The following KCTD8 variants were observed in gnomAD, a reference collection of about 807,000 sequenced individuals.
The protein encoded by KCTD8 is BTB/POZ domain-containing protein KCTD8.
A neutral mutation model predicts 31.5 loss-of-function variants in KCTD8; 27 were observed. The ratio of observed to expected loss-of-function variants is 0.86; its 90% CI spans 0.63 to 1.18. KCTD8 has a LOEUF of 1.18. KCTD8 is among the 50% of genes most tolerant of loss of function. The pLI, the probability that KCTD8 is intolerant of heterozygous loss-of-function variation, is 0.00. For synonymous variants in KCTD8, 290 were observed against 280.0 expected (o/e 1.04, Z -0.36); for missense variants, 658 against 647.7 (o/e 1.02, Z -0.17).
intron 1 of KCTD8, among the ~76,000 whole-genome samples, chr4:44,201,505 A>G (rs1262763052): frequency 2.0e-5 from 3 of 152,116 alleles, no homozygotes; most frequent in Non-Finnish European, 4.4e-5. Flanking sequence ...AAAGCCACAT[A>G]CTTACAATTA....
intron 1 of KCTD8, among the ~76,000 whole-genome samples, chr4:44,277,529 ATCATTCAT>A (rs142273657): frequency 1.4e-4 from 22 of 151,770 alleles, no homozygotes; most frequent in African/African-American, 4.3e-4. Context: ...CACGGAGTAA[ATCATTCAT>A]TCATTCATTC....
rs150697617 is a variant in KCTD8 at position 44,446,322 on chromosome 4, A to C, written c.961+1241T>G. ...TTACCAAAATAAATAAATTCAATTT[A>C]AGCTGGTCTATTTCCATCACAGGAT... is the stretch of plus-strand genomic sequence containing the variant. On this transcript the variant is annotated intron_variant, in intron 1 of 1. Transcript: ENST00000360029. Among the ~76,000 whole-genome samples, 9 of 152,346 alleles carry C rather than the reference A, an allele frequency of 5.9e-5. No homozygotes were observed. The Middle Eastern group carries it at 0.014, about 230-fold the overall frequency.
At chr4:44,266,559 TA>T (rs1300252419) in intron 1 of KCTD8, among the ~76,000 whole-genome samples, 2 of 151,856 alleles carry the variant, frequency 1.3e-5, no homozygotes, top group African/African-American at 4.8e-5. Context: ...ACTTTAAATG[TA>T]AATGGACTAA....
Position 44,396,009 on chromosome 4 carries a change from G to A in KCTD8, c.961+51554C>T, listed in dbSNP as rs574337176. Among the ~76,000 whole-genome samples, 10 of 151,930 alleles carry A rather than the reference G, an allele frequency of 6.6e-5. No individual in the cohort carries two copies. In the East Asian group the frequency reaches 7.8e-4, roughly 12 times the overall value. On this transcript the variant is annotated intron_variant, in intron 1 of 1. Coordinates refer to ENST00000360029, the MANE Select transcript of KCTD8 (RefSeq NM_198353.3). Reference sequence around the variant, plus strand: ...TTTATTTCTATTATTATTACACTGCGGTATATAATGAAATAATTATACAAG... The same window carrying A: ...TTTATTTCTATTATTATTACACTGCAGTATATAATGAAATAATTATACAAG...
intron 1 of KCTD8, among the ~76,000 whole-genome samples, chr4:44,400,728 C>CAA (rs34000545): frequency 0.01 from 1,008 of 99,670 alleles, 18 homozygotes; most frequent in African/African-American, 0.013. Context: ...GACTCTGTCT[C>CAA]AAAAAAAAAA....
intron 1 of KCTD8, among the ~76,000 whole-genome samples, chr4:44,387,425 C>T (rs1720253231): frequency 6.6e-6 from 1 of 151,814 alleles, no homozygotes; most frequent in South Asian, 2.1e-4. Context: ...CAATCCTAAG[C>T]AAAAAGAACA....
At chr4:44,212,244 G>C (rs1003089556) in intron 1 of KCTD8, among the ~76,000 whole-genome samples, 1 of 152,194 alleles carries the variant, frequency 6.6e-6, no homozygotes, top group Non-Finnish European at 1.5e-5. Flanking sequence ...TCAGTGGATT[G>C]TACCAATGCT....
intron 1 of KCTD8, among the ~76,000 whole-genome samples, chr4:44,377,948 C>T (rs547313932): frequency 3.5e-4 from 53 of 152,118 alleles, no homozygotes; most frequent in African/African-American, 1.2e-3. Context: ...ATTCTGTTTG[C>T]CATACATAGG....
rs766873729 is a variant in KCTD8 at position 44,181,176 on chromosome 4, T to TGGTCTCCCTCTCCCTCTCTTTCCAC, written c.962-5951_962-5927dup. The stretch of plus-strand genomic sequence containing the variant: ...CTCCCTCTCCCTCTCCCTCTCCCCA[T>TGGTCTCCCTCTCCCTCTCTTTCCAC]GGTCTCCCTCTCCCTCTCTTTCCAC... On this transcript the variant is annotated intron_variant, in intron 1 of 1. Coordinates refer to ENST00000360029, the MANE Select transcript of KCTD8 (RefSeq NM_198353.3). Among the ~76,000 whole-genome samples the TGGTCTCCCTCTCCCTCTCTTTCCAC allele has an allele frequency of 2.1e-5, 3 of 142,316 alleles. 1 individual carries two copies. The Admixed American group carries it at 2.2e-4, about 10-fold the overall frequency. The allele number at this position is 142,316 out of a possible 152,430, so 93.4% of individuals were successfully genotyped here.
chr4:44,218,614 C>A (rs373033965), intron 1 of KCTD8, among the ~76,000 whole-genome samples: 2 of 146,516 alleles, frequency 1.4e-5, no homozygotes, highest in South Asian at 2.2e-4. Flanking sequence ...CTACTATGTA[C>A]TCACAAAAAT....
At chr4:44,317,228 CTTTTTTTTT>C (rs760060899) in intron 1 of KCTD8, among the ~76,000 whole-genome samples, 2 of 36,536 alleles carry the variant, frequency 5.5e-5, no homozygotes, top group Non-Finnish European at 9.4e-5. Flanking sequence ...TGGGTGCTTT[CTTTTTTTTT>C]TTTTTTTTTT....
intron 1 of KCTD8, among the ~76,000 whole-genome samples, chr4:44,220,976 C>A (rs1162600146): frequency 1.3e-5 from 2 of 152,138 alleles, no homozygotes; most frequent in African/African-American, 4.8e-5. Context: ...TACTATATAT[C>A]TGAATAAATC....
chr4:44,319,393 A>T (rs1718229736), intron 1 of KCTD8, among the ~76,000 whole-genome samples: 1 of 152,082 alleles, frequency 6.6e-6, no homozygotes, highest in Non-Finnish European at 1.5e-5. Context: ...TGTATAGCGA[A>T]GGAAGCAGAA....
intron 1 of KCTD8, among the ~76,000 whole-genome samples, chr4:44,256,647 C>T (rs915451957): frequency 3.3e-5 from 5 of 151,732 alleles, no homozygotes; most frequent in Non-Finnish European, 5.9e-5. Context: ...ATAATCTGAG[C>T]GAGCCTGGTG....
intron 1 of KCTD8, among the ~76,000 whole-genome samples, chr4:44,356,587 C>A (rs1041361152): frequency 2.0e-5 from 3 of 152,152 alleles, no homozygotes; most frequent in Non-Finnish European, 2.9e-5. Context: ...GATTCTCCTG[C>A]CTCAGCCTGC....
intron 1 of KCTD8, among the ~76,000 whole-genome samples, chr4:44,181,516 G>A (rs1033840071): frequency 5.4e-4 from 82 of 152,178 alleles, no homozygotes; most frequent in African/African-American, 1.9e-3. Flanking sequence ...CCGAGGCGCC[G>A]GGATTGCAGA....
chr4:44,229,388 G>C (rs1388908845), intron 1 of KCTD8, among the ~76,000 whole-genome samples: 1 of 152,204 alleles, frequency 6.6e-6, no homozygotes, highest in African/African-American at 2.4e-5. Context: ...TGTGCATTAA[G>C]AGGCAAAAAT....
At chr4:44,310,932 A>G (rs1413070464) in intron 1 of KCTD8, among the ~76,000 whole-genome samples, 1 of 152,120 alleles carries the variant, frequency 6.6e-6, no homozygotes. Flanking sequence ...TGGAATGTCA[A>G]GTATATAGAT....
chr4:44,288,794 A>G (rs987965502), intron 1 of KCTD8, among the ~76,000 whole-genome samples: 2 of 151,942 alleles, frequency 1.3e-5, no homozygotes, highest in Non-Finnish European at 2.9e-5. Flanking sequence ...CTGACTACCT[A>G]TCTCACCTAC....
Sources: allele counts gnomAD v4.1 joint callset (sites outside exome capture counted in the v4.1 genomes callset), GRCh38; gene constraint gnomAD v4.1.1; transcripts MANE v1.5; gene names NCBI Gene and HGNC (gene_info 2026-07-23, HGNC 2026-07-21).